Variants in NEK6 observed in about 807,000 individuals in gnomAD.
NEK6 encodes the protein serine/threonine-protein kinase Nek6.
In NEK6, 27 loss-of-function variants were observed where a neutral mutation model predicts 43.5. That is an observed-to-expected ratio of 0.62 (90% CI 0.46 to 0.86). NEK6 has a LOEUF of 0.86. NEK6 is among the 40% of genes least tolerant of loss of function. The pLI is 0.00. For synonymous variants in NEK6, 167 were observed against 164.1 expected (o/e 1.02, Z -0.14); for missense variants, 318 against 414.4 (o/e 0.77, Z 2.02).
At chr9:124,342,641 C>T (rs1400631948) in intron 8 of NEK6, among the ~76,000 whole-genome samples, 1 of 152,250 alleles carries the variant, frequency 6.6e-6, no homozygotes, top group Admixed American at 6.5e-5. Flanking sequence ...TCCCTTTTTG[C>T]TTTGGCCAGC....
chr9:124,333,467 G>A (rs575710436), intron 7 of NEK6, among the ~76,000 whole-genome samples: 4 of 152,328 alleles, frequency 2.6e-5, no homozygotes, highest in African/African-American at 9.6e-5. Context: ...GGGACCTGAG[G>A]ACCCTGTGCT....
Position 124,324,110 on chromosome 9 carries a change from G to A in NEK6, c.406-2220G>A, listed in dbSNP as rs1459518622. On this transcript the variant is annotated intron_variant, in intron 5 of 9. Coordinates refer to ENST00000320246, the MANE Select transcript of NEK6 (RefSeq NM_014397.6). This position sits in a 1 kb window ranked among gnomAD's most constrained non-coding sequence, Gnocchi z 5.3. ...CCCTCACCTGCAGAGCTGGCTCGGT[G>A]CAGCCGCCAGCAGGGGAGGCCTGGC... is the stretch of plus-strand genomic sequence containing the variant. Among the ~76,000 whole-genome samples the A allele has an allele frequency of 6.6e-6, 1 of 152,196 alleles. No homozygotes were observed. The highest frequency in any genetic ancestry group is 2.4e-5 in the African/African-American group (1 of 41,456).
At chr9:124,336,954 C>G (rs1276457678) in intron 7 of NEK6, among the ~76,000 whole-genome samples, 1 of 151,250 alleles carries the variant, frequency 6.6e-6, no homozygotes, top group Non-Finnish European at 1.5e-5. Context: ...GGTGATCGCA[C>G]CACTGCACTC....
chr9:124,257,620 T>C, upstream of NEK6: 1 of 1,486,366 alleles, frequency 6.7e-7, no homozygotes, highest in Non-Finnish European at 9.0e-7. Context: ...TGCTAGGCGA[T>C]GGGGAATCCG....
At chr9:124,261,100 C>T (rs1387488217) in intron 1 of NEK6, 1 of 152,202 alleles carries the variant, frequency 6.6e-6, no homozygotes, top group African/African-American at 2.4e-5. Context: ...TCACCTTAAA[C>T]CACATCTGGC....
chr9:124,340,113 C>T (rs148413128), intron 8 of NEK6, among the ~76,000 whole-genome samples: 928 of 23,582 alleles, frequency 0.039, 6 homozygotes, highest in Non-Finnish European at 0.067. Flanking sequence ...CCCCTCCAGG[C>T]CCAGAAATGT....
rs1832465244 is a variant in NEK6, at chr9:124,292,384, G to T, written c.-29-9552G>T. On this transcript the variant is annotated intron_variant, in intron 1 of 9. Transcript: ENST00000320246. ...CTTGGCCAGAACTTCTGAGTTTCCA[G>T]GGAAGCAGAAAAAGCAATTCTTTCT... The T allele has an allele frequency of 3.9e-6, 6 of 1,520,220 alleles. No individual in the cohort carries two copies. In the South Asian group the frequency reaches 7.3e-5, roughly 18 times the overall value. 94.2% of individuals were successfully genotyped at this position (1,520,220 alleles called of 1,614,324 possible).
intron 7 of NEK6, among the ~76,000 whole-genome samples, chr9:124,329,904 G>A (rs771159217): frequency 4.6e-5 from 7 of 152,242 alleles, no homozygotes; most frequent in Admixed American, 6.5e-5. Context: ...GACACTTCAC[G>A]CCCTGTGCGT....
chr9:124,328,925 G>T (rs968005663), intron 7 of NEK6, among the ~76,000 whole-genome samples: 1 of 152,094 alleles, frequency 6.6e-6, no homozygotes, highest in Non-Finnish European at 1.5e-5. Context: ...AGTATGGGAC[G>T]TTCCACTCAT....
chr9:124,342,111 C>T (rs769649773), intron 8 of NEK6, among the ~76,000 whole-genome samples: 4 of 152,178 alleles, frequency 2.6e-5, no homozygotes, highest in African/African-American at 4.8e-5. Context: ...AGTAGAGTCA[C>T]GCCCATGTCA....
At chr9:124,292,793 G>A in intron 1 of NEK6, 31 of 1,375,670 alleles carry the variant, frequency 2.3e-5, no homozygotes, top group Non-Finnish European at 2.8e-5. Context: ...GCCAACTGCT[G>A]GGGCCATGGA....
intron 1 of NEK6, among the ~76,000 whole-genome samples, chr9:124,264,922 G>A (rs539327771): frequency 5.5e-4 from 83 of 152,186 alleles, no homozygotes; most frequent in African/African-American, 1.7e-3. Flanking sequence ...CCGGGGAGGC[G>A]AAGGGGGCAA....
intron 1 of NEK6, among the ~76,000 whole-genome samples, chr9:124,278,700 G>A (rs921336443): frequency 2.6e-5 from 4 of 152,210 alleles, no homozygotes; most frequent in African/African-American, 4.8e-5. Flanking sequence ...GTCAGATACC[G>A]GCTGGATGAC....
At chr9:124,272,106 G>T (rs73666843) in intron 1 of NEK6, among the ~76,000 whole-genome samples, 5 of 152,146 alleles carry the variant, frequency 3.3e-5, no homozygotes, top group African/African-American at 1.2e-4. Context: ...TCAGTTCCAC[G>T]CCAGGCCCAG....
At chr9:124,279,992 T>C (rs1399814922) in intron 1 of NEK6, among the ~76,000 whole-genome samples, 2 of 152,222 alleles carry the variant, frequency 1.3e-5, no homozygotes, top group African/African-American at 2.4e-5. Context: ...TTAACCCTGG[T>C]GTTCTCAAAA....
At chr9:124,257,899 C>A, upstream of NEK6, 2 of 955,926 alleles carry the variant, frequency 2.1e-6, no homozygotes, top group Admixed American at 6.3e-5. Context: ...GGGGGCGGCG[C>A]GGCCCCGCGG....
At chr9:124,332,363 AG>A (rs903632267) in intron 7 of NEK6, among the ~76,000 whole-genome samples, 3 of 144,720 alleles carry the variant, frequency 2.1e-5, no homozygotes, top group African/African-American at 7.4e-5. Context: ...TGCAGAGGTC[AG>A]GGGGGGACCC....
At chr9:124,330,709 G>T (rs1828936263) in intron 7 of NEK6, among the ~76,000 whole-genome samples, 1 of 152,240 alleles carries the variant, frequency 6.6e-6, no homozygotes, top group African/African-American at 2.4e-5. Flanking sequence ...GTGTGCTGGG[G>T]ATATGCGATT....
At chr9:124,320,393 C>T (rs1374203330) in intron 4 of NEK6, among the ~76,000 whole-genome samples, 1 of 152,204 alleles carries the variant, frequency 6.6e-6, no homozygotes, top group African/African-American at 2.4e-5. Flanking sequence ...GGCTCTGTAA[C>T]ATCTGCCCAG....
Sources: gnomAD v4.1 joint callset for allele counts (sites outside exome capture counted in the v4.1 genomes callset) on GRCh38, gnomAD v4.1.1 for gene constraint, Gnocchi (gnomAD v3.1) non-coding constraint, MANE v1.5 for transcripts, NCBI Gene and HGNC (gene_info 2026-07-23, HGNC 2026-07-21) for gene names.